Variants in AFF2 observed in about 807,000 individuals in gnomAD.
AFF2 encodes the protein ALF transcription elongation factor 2, also known as AF4/FMR2 family member 2.
Under a neutral mutation model 76.9 loss-of-function variants are expected in AFF2, and 14 were observed. The ratio of observed to expected loss-of-function variants is 0.18; its 90% CI spans 0.12 to 0.28. The LOEUF is 0.28. Ranked by LOEUF, AFF2 falls within the 10% of genes least tolerant of loss-of-function variation. The pLI is 1.00. For missense variants in AFF2, 868 were observed against 1,001.1 expected, an observed-to-expected ratio of 0.87 and a Z score of 1.79; for synonymous variants, 398 against 366.7, an observed-to-expected ratio of 1.09 and a Z score of -0.98.
chrX:148,782,997 G>A (rs1196983204), intron 3 of AFF2, among the ~76,000 whole-genome samples: 1 of 112,045 alleles, frequency 8.9e-6, no homozygotes, highest in African/African-American at 3.2e-5. Context: ...CGCTCATAAG[G>A]ATACTGGAAT....
At chrX:148,931,203 G>A (rs895777930) in intron 9 of AFF2, among the ~76,000 whole-genome samples, 9 of 89,766 alleles carry the variant, frequency 1.0e-4, no homozygotes, top group Admixed American at 1.6e-4. Context: ...GCAGTGAGCC[G>A]AGATCACGCC....
chrX:148,540,598 A>T (rs781919971), intron 1 of AFF2, among the ~76,000 whole-genome samples: 2 of 110,924 alleles, frequency 1.8e-5, no homozygotes, highest in African/African-American at 6.6e-5. Flanking sequence ...CTAAGCAGAC[A>T]CCACTTCCTG....
intron 13 of AFF2, among the ~76,000 whole-genome samples, chrX:148,964,070 A>T (rs2072142930): frequency 8.9e-6 from 1 of 112,050 alleles, no homozygotes; most frequent in Admixed American, 9.5e-5. Context: ...TTTGGCTTTT[A>T]TCTTTAAAGT....
intron 1 of AFF2, among the ~76,000 whole-genome samples, chrX:148,583,987 T>A (rs1195731123): frequency 1.8e-5 from 2 of 112,316 alleles, no homozygotes; most frequent in Non-Finnish European, 3.8e-5. Flanking sequence ...TAGCTCTTAG[T>A]CGCCTTACGC....
chrX:148,980,824 G>A, intron 19 of AFF2, 34 bp downstream of exon 19: 1 of 1,081,837 alleles, frequency 9.2e-7, no homozygotes, highest in South Asian at 1.9e-5. Context: ...TTTTCGTGAA[G>A]ATGAGTGATT....
At chrX:148,870,141 A>C (rs1478982274) in intron 7 of AFF2, among the ~76,000 whole-genome samples, 1 of 110,975 alleles carries the variant, frequency 9.0e-6, no homozygotes, top group Admixed American at 9.6e-5. Flanking sequence ...GTCCCATCCT[A>C]CGTAGAGGGA....
chrX:148,759,380 G>T (rs2069414503), intron 3 of AFF2, among the ~76,000 whole-genome samples: 1 of 112,007 alleles, frequency 8.9e-6, no homozygotes, highest in African/African-American at 3.2e-5. Context: ...GACATTCAGG[G>T]TTCTGATTTC....
At chrX:148,869,738 C>T (rs1198294180) in intron 7 of AFF2, among the ~76,000 whole-genome samples, 1 of 111,860 alleles carries the variant, frequency 8.9e-6, no homozygotes, top group African/African-American at 3.3e-5. Flanking sequence ...TCCTAACTTC[C>T]AGATGTTAGA....
At chrX:148,796,595 G>A (rs929834132) in intron 3 of AFF2, among the ~76,000 whole-genome samples, 1 of 111,986 alleles carries the variant, frequency 8.9e-6, no homozygotes, top group Admixed American at 9.5e-5. Context: ...ACTGTCTAGC[G>A]AAATGGATTC....
chrX:148,510,463 A>T (rs782764335), intron 1 of AFF2, among the ~76,000 whole-genome samples: 37 of 111,471 alleles, frequency 3.3e-4, no homozygotes, highest in Admixed American at 9.5e-5. Context: ...ATCTATAAGG[A>T]TACCCTAGGA....
At chrX:148,887,860 C>T (rs1471726089) in intron 8 of AFF2, among the ~76,000 whole-genome samples, 1 of 111,796 alleles carries the variant, frequency 8.9e-6, no homozygotes, top group Admixed American at 9.5e-5. Flanking sequence ...CAAATGAACC[C>T]TCCTTGTAGA....
chrX:148,718,298 C>T (rs183459424), intron 3 of AFF2, among the ~76,000 whole-genome samples: 2 of 111,599 alleles, frequency 1.8e-5, no homozygotes, highest in Non-Finnish European at 3.8e-5. Flanking sequence ...GTTGCATTCT[C>T]AGGTCTCCTC....
intron 3 of AFF2, among the ~76,000 whole-genome samples, chrX:148,676,090 C>CA (rs1262836402): frequency 1.0e-5 from 1 of 95,849 alleles, no homozygotes; most frequent in Admixed American, 1.2e-4. Context: ...GACGGAGTCT[C>CA]ATTCTGTCAC....
chrX:148,685,493 A>G lies in AFF2; in HGVS notation c.1041+22725A>G, dbSNP rs1314235321. Among the ~76,000 whole-genome samples, 5 of 111,914 alleles carry G rather than the reference A, an allele frequency of 4.5e-5. No homozygotes were observed. The East Asian group carries it at 1.4e-3, about 31-fold the overall frequency. ...AAATGGTGACTTTATTTTTATAAAAACTTGAATTTTTGTTTTTTAAAATAT... is the reference window on the plus strand; with the variant it reads ...AAATGGTGACTTTATTTTTATAAAAGCTTGAATTTTTGTTTTTTAAAATAT... On this transcript the variant is annotated intron_variant, in intron 3 of 20. Coordinates refer to ENST00000370460, the MANE Select transcript of AFF2 (RefSeq NM_002025.4).
intron 3 of AFF2, among the ~76,000 whole-genome samples, chrX:148,775,323 G>C (rs1330986074): frequency 8.9e-6 from 1 of 111,829 alleles, no homozygotes; most frequent in African/African-American, 3.3e-5. Flanking sequence ...ATAATGACCT[G>C]TGTGCTGGCA....
chrX:148,599,483 A>G (rs1272932320), intron 1 of AFF2, among the ~76,000 whole-genome samples: 5 of 110,767 alleles, frequency 4.5e-5, no homozygotes, highest in Admixed American at 1.9e-4. Flanking sequence ...GTTCTCTACC[A>G]TAGAGAAGCA....
intron 1 of AFF2, among the ~76,000 whole-genome samples, chrX:148,611,917 C>G (rs2053737914): frequency 1.8e-5 from 2 of 111,865 alleles, no homozygotes; most frequent in Non-Finnish European, 3.8e-5. Flanking sequence ...CATTTGCATG[C>G]TTTCCACTCA....
chrX:148,683,114 A>G (rs1349235676), intron 3 of AFF2, among the ~76,000 whole-genome samples: 2 of 111,785 alleles, frequency 1.8e-5, no homozygotes, highest in Non-Finnish European at 3.8e-5. Context: ...TGTGTTGGTT[A>G]CACATACACT....
At chrX:148,770,723 T>G (rs1405562691) in intron 3 of AFF2, among the ~76,000 whole-genome samples, 1 of 112,028 alleles carries the variant, frequency 8.9e-6, no homozygotes, top group Non-Finnish European at 1.9e-5. Context: ...AAAACATGTT[T>G]TAATGCAGAT....
Sources: allele counts gnomAD v4.1 joint callset (sites outside exome capture counted in the v4.1 genomes callset), GRCh38; gene constraint gnomAD v4.1.1; transcripts MANE v1.5; gene names NCBI Gene and HGNC (gene_info 2026-07-23, HGNC 2026-07-21).